MGAT3: variants seen among roughly 807,000 people sequenced by gnomAD.
MGAT3 encodes GlcNAc-T III.
Under a neutral mutation model 29.8 loss-of-function variants are expected in MGAT3, and 9 were observed. The observed-to-expected ratio is 0.30, with a 90% CI of 0.18 to 0.53. The LOEUF (loss-of-function observed/expected upper bound fraction) is 0.53, where lower values mean the gene tolerates loss of function less well. Among genes scored for constraint, MGAT3 ranks in the 20% least tolerant of loss-of-function variants. The pLI, the probability that MGAT3 is intolerant of heterozygous loss-of-function variation, is 0.96. For missense variants in MGAT3, 557 were observed against 769.5 expected, an observed-to-expected ratio of 0.72 and a Z score of 3.27; for synonymous variants, 397 against 348.9, an observed-to-expected ratio of 1.14 and a Z score of -1.54.
At position 39,490,594 on chromosome 22, in the gene MGAT3, G is replaced by A. The variant is rs1929426587; in HGVS notation, c.*1645G>A. ...ACTGTGCAGCCCAGGGCTGGGGGCAGTGAGGAGCTTGCAGCTCTGTGGGAA... is the reference window on the plus strand; with the variant it reads ...ACTGTGCAGCCCAGGGCTGGGGGCAATGAGGAGCTTGCAGCTCTGTGGGAA... On this transcript the variant is annotated 3_prime_UTR_variant, in exon 2 of 2. Coordinates refer to ENST00000341184, the MANE Select transcript of MGAT3 (RefSeq NM_002409.5). The A allele has an allele frequency of 6.0e-6, 1 of 167,174 alleles. No individual in the cohort carries two copies. Among genetic ancestry groups the A allele is most frequent in the Non-Finnish European group, 1.5e-5 (1 of 68,124 alleles). 10.4% of individuals were successfully genotyped at this position (167,174 alleles called of 1,614,324 possible).
At chr22:39,471,693 G>A (rs1006733172) in intron 1 of MGAT3, among the ~76,000 whole-genome samples, 5 of 152,166 alleles carry the variant, frequency 3.3e-5, no homozygotes, top group Non-Finnish European at 7.4e-5. Context: ...CTTCCCATGA[G>A]GGCCTTTCGG....
rs751878270 is a variant in MGAT3, at chr22:39,488,157, C to T, written c.810C>T (p.Leu270=). 2 of 1,613,190 alleles carry T rather than the reference C, an allele frequency of 1.2e-6. No individual in the cohort carries two copies. The highest frequency in any genetic ancestry group is 1.6e-4 in the Middle Eastern group (1 of 6,062). ...GTFEYIRHKV[L]YVFLDHFPPG... Reference sequence around the variant, plus strand: ...TCGAGTACATCCGCCACAAGGTGCTCTATGTCTTCCTGGACCACTTCCCGC... The same window carrying T: ...TCGAGTACATCCGCCACAAGGTGCTTTATGTCTTCCTGGACCACTTCCCGC... Residue 270 remains leucine (L), a synonymous_variant, in exon 2 of 2, where the codon CTC becomes CTT. Transcript: ENST00000341184.
Position 39,491,562 on chromosome 22 carries a change from G to C in MGAT3, c.*2613G>C, listed in dbSNP as rs999010913. ...CGAAGGAAGATAGGAGCAGCTCAGA[G>C]CTGCCAGGCTCTGCCTTCCTCACAG... On this transcript the variant is annotated 3_prime_UTR_variant, in exon 2 of 2. Transcript: ENST00000341184. The surrounding 1 kb of genome is among the most constrained non-coding windows in gnomAD (Gnocchi z 5.5). 4 of 166,380 alleles carry C rather than the reference G, an allele frequency of 2.4e-5. No individual in the cohort carries two copies. The highest frequency in any genetic ancestry group is 5.9e-5 in the Non-Finnish European group (4 of 68,164). The allele number at this position is 166,380 out of a possible 1,614,324, so 10.3% of individuals were successfully genotyped here.
chr22:39,487,415 T>G lies in MGAT3; in HGVS notation c.68T>G (p.Leu23Arg). Reference protein sequence around the residue: ...CMAGLCLISFLHFFKTLSYVT... With the variant: ...CMAGLCLISFRHFFKTLSYVT... The stretch of plus-strand genomic sequence containing the variant: ...GCCGGCCTGTGCCTCATCTCCTTCC[T>G]GCACTTCTTCAAGACCCTGTCCTAT... The change falls in exon 2 of 2, where the codon CTG becomes CGG. Residue 23 changes from leucine (L) to arginine (R), a missense_variant. Physicochemically the swap from Leu to Arg is moderately radical, Grantham distance 102 (BLOSUM62 -2). This residue lies in a region of MGAT3 where 212 missense variants were observed against 228.5 expected (regional missense o/e 0.93). Coordinates refer to ENST00000341184, the MANE Select transcript of MGAT3 (RefSeq NM_002409.5). This position sits in a 1 kb window ranked among gnomAD's most constrained non-coding sequence, Gnocchi z 5.7. 1 of 1,613,704 alleles carries G rather than the reference T, an allele frequency of 6.2e-7. No individual in the cohort carries two copies. The highest frequency in any genetic ancestry group is 8.5e-7 in the Non-Finnish European group (1 of 1,179,974).
rs1326757625 is a variant in MGAT3, at chr22:39,487,232, A to C, written c.-1-115A>C. 3 of 1,087,918 alleles carry C rather than the reference A, an allele frequency of 2.8e-6. No homozygotes were observed. Among genetic ancestry groups the C allele is most frequent in the African/African-American group, 1.6e-5 (1 of 63,016 alleles). The allele number at this position is 1,087,918 out of a possible 1,614,324, so 67.4% of individuals were successfully genotyped here. Reference sequence around the variant, plus strand: ...GGAGGTCACTCCATGCAGGGGCAGCAGGTGCTGGCCACCACATTGTCCAGC... The same window carrying C: ...GGAGGTCACTCCATGCAGGGGCAGCCGGTGCTGGCCACCACATTGTCCAGC... On this transcript the variant is annotated intron_variant, in intron 1 of 1. Transcript: ENST00000341184. This position sits in a 1 kb window ranked among gnomAD's most constrained non-coding sequence, Gnocchi z 5.7.
At chr22:39,477,081 A>C (rs1201174987) in intron 1 of MGAT3, among the ~76,000 whole-genome samples, 1 of 152,160 alleles carries the variant, frequency 6.6e-6, no homozygotes, top group African/African-American at 2.4e-5. Context: ...GACTCCTGAG[A>C]TGCCGACTCC....
chr22:39,471,748 C>T (rs1201759698), intron 1 of MGAT3, among the ~76,000 whole-genome samples: 6 of 152,078 alleles, frequency 3.9e-5, no homozygotes, highest in South Asian at 2.1e-4. Context: ...CACAGAGACA[C>T]GAGGCACAGG....
chr22:39,472,497 C>T (rs971551913), intron 1 of MGAT3, among the ~76,000 whole-genome samples: 2 of 152,192 alleles, frequency 1.3e-5, no homozygotes, highest in Admixed American at 6.5e-5. Context: ...CAAGGCGAGG[C>T]TCACAAGAGA....
chr22:39,487,328 G>C lies in MGAT3; in HGVS notation c.-1-19G>C. 1.2e-6 allele frequency: 2 copies of C among 1,600,566 alleles called. No homozygotes were observed. Among genetic ancestry groups the C allele is most frequent in the Non-Finnish European group, 1.7e-6 (2 of 1,173,886 alleles). Reference sequence around the variant, plus strand: ...CCTGGGCTGCCCTGATGAGTCTCCTGTCTCTCTCTCTCCCGCAGGATGAAG... The same window carrying C: ...CCTGGGCTGCCCTGATGAGTCTCCTCTCTCTCTCTCTCCCGCAGGATGAAG... On this transcript the variant is annotated intron_variant, in intron 1 of 1. Coordinates refer to ENST00000341184, the MANE Select transcript of MGAT3 (RefSeq NM_002409.5). The surrounding 1 kb of genome is among the most constrained non-coding windows in gnomAD (Gnocchi z 5.7).
intron 1 of MGAT3, among the ~76,000 whole-genome samples, chr22:39,471,774 C>T (rs955211627): frequency 4.6e-5 from 7 of 152,088 alleles, no homozygotes; most frequent in Admixed American, 3.9e-4. Flanking sequence ...AGGGGCAGAG[C>T]GACACGGTAC....
chr22:39,458,762 G>GC (rs963095701), intron 1 of MGAT3, among the ~76,000 whole-genome samples: 4 of 152,206 alleles, frequency 2.6e-5, no homozygotes, highest in African/African-American at 9.6e-5. Flanking sequence ...AATGGCATGA[G>GC]CAAAGGCTCA....
At chr22:39,459,983 G>T (rs568336076) in intron 1 of MGAT3, among the ~76,000 whole-genome samples, 44 of 152,262 alleles carry the variant, frequency 2.9e-4, no homozygotes, top group Non-Finnish European at 4.0e-4. Context: ...AGCTGAGGGT[G>T]GGGGAACTGC....
rs772844776 is a variant in MGAT3 at position 39,487,757 on chromosome 22, C to G, written c.410C>G (p.Pro137Arg). Residue 137 changes from proline (P) to arginine (R), a missense_variant, in exon 2 of 2, where the codon CCT becomes CGT. Pro to Arg is a moderately radical substitution (Grantham distance 103). Transcript: ENST00000341184. This position sits in a 1 kb window ranked among gnomAD's most constrained non-coding sequence, Gnocchi z 5.7. ...CCCCCGGGACGGCCGGAGGAGAAGC[C>G]TGAGGGGGCCAACGGCTCCTCGGCC... Reference protein sequence around the residue: ...RPPPGRPEEKPEGANGSSARR... With the variant: ...RPPPGRPEEKREGANGSSARR... 1 of 1,520,450 alleles carries G rather than the reference C, an allele frequency of 6.6e-7. No homozygotes were observed. Among genetic ancestry groups the G allele is most frequent in the African/African-American group, 1.4e-5 (1 of 72,060 alleles). 94.2% of individuals were successfully genotyped at this position (1,520,450 alleles called of 1,614,324 possible). A position where few individuals can be genotyped will look rare whatever the true frequency, so the allele number is the denominator to read the frequency against.
chr22:39,458,779 TGA>T (rs1928415770), intron 1 of MGAT3, among the ~76,000 whole-genome samples: 1 of 151,890 alleles, frequency 6.6e-6, no homozygotes, highest in South Asian at 2.1e-4. Flanking sequence ...CTCAGAGGTG[TGA>T]GTGTCTGGCG....
Position 39,491,030 on chromosome 22 carries a change from C to G in MGAT3, c.*2081C>G, listed in dbSNP as rs1215750047. The G allele has an allele frequency of 1.2e-5, 2 of 167,240 alleles. No individual in the cohort carries two copies. The highest frequency in any genetic ancestry group is 2.9e-5 in the Non-Finnish European group (2 of 68,198). 10.4% of individuals were successfully genotyped at this position (167,240 alleles called of 1,614,324 possible). On this transcript the variant is annotated 3_prime_UTR_variant, in exon 2 of 2. Transcript: ENST00000341184. This position sits in a 1 kb window ranked among gnomAD's most constrained non-coding sequence, Gnocchi z 5.5. Reference sequence around the variant, plus strand: ...CACTACCTCCCCAGCCCCTCTCGGCCCCAGCCGCATCATCCCACCTGTCCC... The same window carrying G: ...CACTACCTCCCCAGCCCCTCTCGGCGCCAGCCGCATCATCCCACCTGTCCC...
intron 1 of MGAT3, among the ~76,000 whole-genome samples, chr22:39,478,487 C>T (rs1929031942): frequency 6.6e-6 from 1 of 152,186 alleles, no homozygotes; most frequent in African/African-American, 2.4e-5. Context: ...ACAGGGGAAC[C>T]GGCTGTTAAG....
chr22:39,461,745 C>T (rs111656120), intron 1 of MGAT3, among the ~76,000 whole-genome samples: 3 of 152,140 alleles, frequency 2.0e-5, no homozygotes, highest in Non-Finnish European at 2.9e-5. Flanking sequence ...GCTCTTCCCC[C>T]GATGCTACAG....
At chr22:39,478,346 G>T (rs1929028008) in intron 1 of MGAT3, among the ~76,000 whole-genome samples, 1 of 152,232 alleles carries the variant, frequency 6.6e-6, no homozygotes, top group Non-Finnish European at 1.5e-5. Context: ...TGTTGGGCCT[G>T]CTTTACTGCT....
rs58543840 is a variant in MGAT3, at chr22:39,475,128, C to CTTTTTTTTTTTTTT, written c.-1-12210_-1-12197dup. ...TGAATTCACAGCAGGGCTTGCCAGG[C>CTTTTTTTTTTTTTT]TTTTTTTTTTTTTTTTTTTTTTAAC... On this transcript the variant is annotated intron_variant, in intron 1 of 1. Coordinates refer to ENST00000341184, the MANE Select transcript of MGAT3 (RefSeq NM_002409.5). 1.4e-3 allele frequency among the ~76,000 whole-genome samples: 169 copies of CTTTTTTTTTTTTTT among 118,756 alleles called. 8 individuals carry two copies. The highest frequency in any genetic ancestry group is 6.0e-3 in the African/African-American group (161 of 27,048). The allele number at this position is 118,756 out of a possible 152,430, so 77.9% of individuals were successfully genotyped here. A position where few individuals can be genotyped will look rare whatever the true frequency, so the allele number is the denominator to read the frequency against.
Sources: gnomAD v4.1 joint callset for allele counts (sites outside exome capture counted in the v4.1 genomes callset) on GRCh38, gnomAD v4.1.1 for gene constraint, gnomAD v4.1.1 regional missense constraint, Gnocchi (gnomAD v3.1) non-coding constraint, MANE v1.5 for transcripts, NCBI Gene and HGNC (gene_info 2026-07-23, HGNC 2026-07-21) for gene names.